The following ODF2L variants were observed in gnomAD, a reference collection of about 807,000 sequenced individuals.
The protein encoded by ODF2L is protein BCAP.
A neutral mutation model predicts 86.3 loss-of-function variants in ODF2L; 76 were observed. The observed-to-expected ratio is 0.88, with a 90% CI of 0.73 to 1.07. The LOEUF (loss-of-function observed/expected upper bound fraction) is 1.07. Ranked by LOEUF, ODF2L falls within the 50% of genes least tolerant of loss-of-function variation. The probability of loss-of-function intolerance (pLI) is 0.00; values close to 1 mark genes in which losing one functional copy is unlikely to be tolerated. For synonymous variants in ODF2L, 241 were observed against 231.3 expected, an observed-to-expected ratio of 1.04 and a Z score of -0.38; for missense variants, 748 against 717.4, an observed-to-expected ratio of 1.04 and a Z score of -0.49.
Position 86,382,949 on chromosome 1 carries a change from A to T in ODF2L, c.489T>A (p.Cys163Ter), listed in dbSNP as rs200936864. 4 of 1,562,840 alleles carry T rather than the reference A, an allele frequency of 2.6e-6. No homozygotes were observed. The highest frequency in any genetic ancestry group is 3.5e-6 in the Non-Finnish European group (4 of 1,135,012). ...TGCTTACCTTTTCACTCTGAAACAA[A>T]CAAGAAAGTTCTTGGATATGGGCCT... The change falls in exon 6 of 18, where the codon TGT (cysteine) becomes TGA (stop). Residue 163 changes from cysteine (C) to a stop codon, truncating the protein, a stop_gained. Coordinates refer to ENST00000317336, the Ensembl canonical transcript of ODF2L. LOFTEE classifies it high-confidence loss of function.
At chr1:86,370,054 C>T (rs1223772122) in intron 10 of ODF2L, among the ~76,000 whole-genome samples, 1 of 151,666 alleles carries the variant, frequency 6.6e-6, no homozygotes, top group African/African-American at 2.4e-5. Flanking sequence ...TTCTAAACAG[C>T]CAGTAATTAT....
chr1:86,355,056 T>A (rs1391662595), intron 14 of ODF2L, 197 bp from the exon 14 acceptor site: 2 of 555,840 alleles, frequency 3.6e-6, no homozygotes, highest in East Asian at 5.8e-5. Flanking sequence ...AAAGAAGTTA[T>A]GTTGCCTGTA....
At chr1:86,363,433 T>C (rs1428884160) in intron 11 of ODF2L, among the ~76,000 whole-genome samples, 1 of 152,132 alleles carries the variant, frequency 6.6e-6, no homozygotes, top group Non-Finnish European at 1.5e-5. Flanking sequence ...TTTGGAGAGA[T>C]TTGTTTTAAA....
chr1:86,354,592 A>G, exon 16 of ODF2L: 1 of 1,609,442 alleles, frequency 6.2e-7, no homozygotes, highest in Non-Finnish European at 8.5e-7. Context: ...TACTCTGCAG[A>G]TTTCTCTTTA....
intron 7 of ODF2L, among the ~76,000 whole-genome samples, chr1:86,379,123 G>C (rs1037906875): frequency 2.6e-5 from 4 of 151,992 alleles, no homozygotes; most frequent in Non-Finnish European, 4.4e-5. Context: ...CACCATAATT[G>C]TAAGTTTCCT....
At chr1:86,388,165 G>A (rs1439628081) in intron 1 of ODF2L, among the ~76,000 whole-genome samples, 1 of 152,046 alleles carries the variant, frequency 6.6e-6, no homozygotes, top group African/African-American at 2.4e-5. Context: ...GATAGTCTAG[G>A]ATGATTCCCT....
exon 9 of ODF2L, chr1:86,372,431 T>A: frequency 1.5e-6 from 2 of 1,323,086 alleles, no homozygotes; most frequent in Non-Finnish European, 2.0e-6. Flanking sequence ...TTTTTCTTAC[T>A]TTTTCATTGT....
chr1:86,354,713 T>C (rs1658407292), intron 15 of ODF2L, 21 bp from the exon 15 acceptor site: 1 of 1,579,054 alleles, frequency 6.3e-7, no homozygotes, highest in Non-Finnish European at 8.7e-7. Flanking sequence ...AAAACATATA[T>C]TTTAAAATGT....
intron 7 of ODF2L, among the ~76,000 whole-genome samples, chr1:86,381,415 A>G (rs896772469): frequency 6.6e-6 from 1 of 152,022 alleles, no homozygotes; most frequent in Non-Finnish European, 1.5e-5. Flanking sequence ...ATAAACCCGC[A>G]TTATGTCCCT....
intron 3 of ODF2L, among the ~76,000 whole-genome samples, chr1:86,385,205 T>C (rs1660862608): frequency 6.6e-6 from 1 of 152,012 alleles, no homozygotes; most frequent in Admixed American, 6.6e-5. Flanking sequence ...GATTTTCTAG[T>C]TCAACTCCGG....
In ODF2L at chr1:86,372,462, C is replaced by A. The variant is rs777467495; in HGVS notation, c.889G>T (p.Glu297Ter). The A allele has an allele frequency of 6.7e-7, 1 of 1,501,720 alleles. No individual in the cohort carries two copies. Among genetic ancestry groups the A allele is most frequent in the Non-Finnish European group, 8.9e-7 (1 of 1,124,766 alleles). The allele number at this position is 1,501,720 out of a possible 1,614,324, so 93.0% of individuals were successfully genotyped here. A position where few individuals can be genotyped will look rare whatever the true frequency, so the allele number is the denominator to read the frequency against. Residue 297 changes from glutamate (E) to a stop codon, truncating the protein, a stop_gained, in exon 9 of 18, where the codon GAA becomes TAA. Transcript: ENST00000317336. LOFTEE classifies it high-confidence loss of function. ...ATTGTTTCAATCTGTACTTCCAATT[C>A]GGTTTTTTCTATCACAATTTTCTCA...
chr1:86,377,913 C>T (rs1660289734), intron 7 of ODF2L, among the ~76,000 whole-genome samples: 1 of 152,208 alleles, frequency 6.6e-6, no homozygotes, highest in African/African-American at 2.4e-5. Context: ...TTATTTATGC[C>T]AATTTATGCA....
intron 11 of ODF2L, among the ~76,000 whole-genome samples, chr1:86,367,751 A>G (rs1659541517): frequency 6.6e-6 from 1 of 152,186 alleles, no homozygotes; most frequent in Non-Finnish European, 1.5e-5. Context: ...GAATCAATCT[A>G]TAAAAAGAGC....
chr1:86,390,961 A>C, intron 1 of ODF2L, among the ~76,000 whole-genome samples: 1 of 152,186 alleles, frequency 6.6e-6, no homozygotes, highest in East Asian at 1.9e-4. Flanking sequence ...AAGCTCCTAG[A>C]ACTGATAAAT....
At chr1:86,359,372 A>G (rs977344799) in intron 12 of ODF2L, among the ~76,000 whole-genome samples, 2 of 152,106 alleles carry the variant, frequency 1.3e-5, no homozygotes, top group African/African-American at 2.4e-5. Flanking sequence ...ACAGTCCACC[A>G]CAACCTCCAT....
chr1:86,360,210 T>C lies in ODF2L; in HGVS notation c.1254+216A>G, dbSNP rs1394013200. On this transcript the variant is annotated intron_variant, in intron 12 of 17. Coordinates refer to ENST00000317336, the Ensembl canonical transcript of ODF2L. ...CATTTTAAATCTACTTTTAGGAATA[T>C]CCAGTATATCCATATGCAGTGTTTG... 2.6e-5 allele frequency among the ~76,000 whole-genome samples: 4 copies of C among 152,178 alleles called. No individual in the cohort carries two copies. The East Asian group carries it at 7.7e-4, about 29-fold the overall frequency.
intron 10 of ODF2L, 110 bp downstream of exon 10, chr1:86,370,908 G>A: frequency 1.7e-6 from 1 of 597,354 alleles, no homozygotes; most frequent in Non-Finnish European, 2.7e-6. Flanking sequence ...ATAGAAGACA[G>A]AATTATACAA....
intron 10 of ODF2L, among the ~76,000 whole-genome samples, chr1:86,370,558 A>C (rs1353009640): frequency 6.6e-6 from 1 of 152,120 alleles, no homozygotes; most frequent in East Asian, 1.9e-4. Context: ...GAGAACTCAA[A>C]TATCTTTTTT....
exon 6 of ODF2L, chr1:86,382,957 G>A (rs779760135): frequency 6.4e-7 from 1 of 1,570,124 alleles, no homozygotes; most frequent in East Asian, 2.3e-5. Context: ...AAACAAGAAA[G>A]TTCTTGGATA....
Sources: gnomAD v4.1 joint callset for allele counts (sites outside exome capture counted in the v4.1 genomes callset) on GRCh38, gnomAD v4.1.1 for gene constraint, MANE v1.5 for transcripts, NCBI Gene and HGNC (gene_info 2026-07-23, HGNC 2026-07-21) for gene names.